Variants in FYN observed in about 807,000 individuals in gnomAD.
The protein encoded by FYN is FYN proto-oncogene, Src family tyrosine kinase, also known as tyrosine-protein kinase Fyn.
FYN carries 10 observed loss-of-function variants against 70.2 expected under a neutral mutation model. That is an observed-to-expected ratio of 0.14 (90% CI 0.09 to 0.24). The LOEUF (loss-of-function observed/expected upper bound fraction) is 0.24, where lower values mean the gene tolerates loss of function less well. FYN is among the 10% of genes least tolerant of loss of function. FYN has a pLI of 1.00. For missense variants in FYN, 319 were observed against 673.1 expected (o/e 0.47, Z 5.82); for synonymous variants, 236 against 248.6 (o/e 0.95, Z 0.48).
At chr6:111,797,711 T>TATATATATATATAC (rs1554290407) in intron 2 of FYN, among the ~76,000 whole-genome samples, 1 of 101,252 alleles carries the variant, frequency 9.9e-6, no homozygotes, top group Non-Finnish European at 2.2e-5. Context: ...TATATATATA[T>TATATATATATATAC]ACACACACAC....
At chr6:111,713,374 G>A (rs1410396703) in intron 5 of FYN, among the ~76,000 whole-genome samples, 1 of 152,136 alleles carries the variant, frequency 6.6e-6, no homozygotes, top group African/African-American at 2.4e-5. Context: ...AAGTCCTTCT[G>A]CCAACATGGA....
intron 12 of FYN, among the ~76,000 whole-genome samples, chr6:111,688,722 G>A (rs965951495): frequency 6.6e-6 from 1 of 152,202 alleles, no homozygotes; most frequent in Non-Finnish European, 1.5e-5. Flanking sequence ...AGGCCCATCT[G>A]ATATTCAGAC....
At chr6:111,809,764 G>T (rs1464975454) in intron 2 of FYN, among the ~76,000 whole-genome samples, 1 of 151,864 alleles carries the variant, frequency 6.6e-6, no homozygotes, top group Non-Finnish European at 1.5e-5. Flanking sequence ...AAGAATATCG[G>T]TTTTCTACTT....
At chr6:111,777,461 C>T (rs1770996246) in intron 3 of FYN, among the ~76,000 whole-genome samples, 1 of 151,962 alleles carries the variant, frequency 6.6e-6, no homozygotes, top group South Asian at 2.1e-4. Flanking sequence ...GATTTCGGGC[C>T]CGATTATTCT....
intron 2 of FYN, among the ~76,000 whole-genome samples, chr6:111,823,577 AT>A (rs1230910490): frequency 1.3e-5 from 2 of 152,186 alleles, no homozygotes; most frequent in Non-Finnish European, 2.9e-5. Flanking sequence ...GATCTAAGGG[AT>A]AAAAATCATC....
At chr6:111,839,502 C>T (rs908066379) in intron 2 of FYN, among the ~76,000 whole-genome samples, 3 of 152,024 alleles carry the variant, frequency 2.0e-5, no homozygotes, top group Non-Finnish European at 2.9e-5. Context: ...TCAGTATAGC[C>T]TATACTGATG....
intron 3 of FYN, among the ~76,000 whole-genome samples, chr6:111,768,365 C>T (rs536243146): frequency 3.3e-5 from 5 of 152,268 alleles, no homozygotes; most frequent in Admixed American, 2.0e-4. Context: ...GACTCCAGAA[C>T]GTTTGACAGT....
At chr6:111,701,251 A>G (rs1799820782) in intron 8 of FYN, among the ~76,000 whole-genome samples, 1 of 152,212 alleles carries the variant, frequency 6.6e-6, no homozygotes. Flanking sequence ...AATGCCAAGT[A>G]AAAATCAGTC....
chr6:111,755,587 G>A (rs181690905), intron 3 of FYN, among the ~76,000 whole-genome samples: 23 of 152,198 alleles, frequency 1.5e-4, no homozygotes, highest in African/African-American at 4.6e-4. Context: ...AGAAATTCAC[G>A]GAATATTTAA....
intron 3 of FYN, among the ~76,000 whole-genome samples, chr6:111,764,443 T>C (rs1376416686): frequency 1.3e-5 from 2 of 152,096 alleles, no homozygotes; most frequent in Non-Finnish European, 2.9e-5. Flanking sequence ...GGTGATCTGG[T>C]TCACTCCTGA....
chr6:111,728,984 A>T (rs556820457), intron 3 of FYN, among the ~76,000 whole-genome samples: 23 of 152,338 alleles, frequency 1.5e-4, no homozygotes, highest in African/African-American at 5.1e-4. Flanking sequence ...CTTTGGTAGT[A>T]ATCAGAGAAA....
In FYN at chr6:111,661,145, C is replaced by T. The variant is rs1416220257; in HGVS notation, c.*594G>A. ...ATGCTGACTTGCAGTAAAATCCTCC[C>T]TCTGGGTCCCGCAGCTTGGTGGCTC... On this transcript the variant is annotated 3_prime_UTR_variant, in exon 14 of 14. Transcript: ENST00000354650. This position sits in a 1 kb window ranked among gnomAD's most constrained non-coding sequence, Gnocchi z 4.0. 6.6e-6 allele frequency: 1 copy of T among 152,144 alleles called. No individual in the cohort carries two copies. Among genetic ancestry groups the T allele is most frequent in the Non-Finnish European group, 1.5e-5 (1 of 68,050 alleles). 9.4% of individuals were successfully genotyped at this position (152,144 alleles called of 1,614,324 possible).
chr6:111,764,625 C>T (rs1174202494), intron 3 of FYN, among the ~76,000 whole-genome samples: 1 of 152,172 alleles, frequency 6.6e-6, no homozygotes, highest in Non-Finnish European at 1.5e-5. Flanking sequence ...TGTAACCAAA[C>T]AGCCTCCCTC....
At chr6:111,664,465 A>G (rs1454514652) in intron 13 of FYN, among the ~76,000 whole-genome samples, 3 of 152,212 alleles carry the variant, frequency 2.0e-5, no homozygotes, top group Admixed American at 1.3e-4. Context: ...TCAAATGGAA[A>G]GATTTCACTT....
intron 3 of FYN, among the ~76,000 whole-genome samples, chr6:111,741,842 G>A (rs535345350): frequency 6.6e-6 from 1 of 152,308 alleles, no homozygotes; most frequent in South Asian, 2.1e-4. Context: ...GATGCGGTTG[G>A]TCTGAAGCAA....
At chr6:111,799,410 G>A (rs1174846272) in intron 2 of FYN, among the ~76,000 whole-genome samples, 1 of 152,176 alleles carries the variant, frequency 6.6e-6, no homozygotes, top group South Asian at 2.1e-4. Context: ...ACATTAAAAT[G>A]GGATGTGCCT....
chr6:111,732,071 T>C (rs780482328), intron 3 of FYN, among the ~76,000 whole-genome samples: 2 of 152,098 alleles, frequency 1.3e-5, no homozygotes, highest in Non-Finnish European at 2.9e-5. Flanking sequence ...CCACTCTGTG[T>C]GGGAGGAACA....
At chr6:111,859,638 T>A (rs1036396306) in intron 1 of FYN, among the ~76,000 whole-genome samples, 2 of 152,230 alleles carry the variant, frequency 1.3e-5, no homozygotes, top group African/African-American at 4.8e-5. Flanking sequence ...ACAGGTAAAG[T>A]ACATAGCACC....
rs1803303130 is a variant in FYN, at chr6:111,768,068, C to T, written c.-12+12498G>A. On this transcript the variant is annotated intron_variant, in intron 3 of 13. Coordinates refer to ENST00000354650, the MANE Select transcript of FYN (RefSeq NM_002037.5). ...TCACAACACAGCCTATCTCTTCTAC[C>T]TTCAAAAAGCAGGGGGGTGGAAGTG... 8.5e-5 allele frequency among the ~76,000 whole-genome samples: 13 copies of T among 152,176 alleles called. No homozygotes were observed. The South Asian group carries it at 2.7e-3, about 32-fold the overall frequency.
Sources: gnomAD v4.1 joint callset for allele counts (sites outside exome capture counted in the v4.1 genomes callset) on GRCh38, gnomAD v4.1.1 for gene constraint, Gnocchi (gnomAD v3.1) non-coding constraint, MANE v1.5 for transcripts, NCBI Gene and HGNC (gene_info 2026-07-23, HGNC 2026-07-21) for gene names.